FRA10AC1: variants seen among roughly 807,000 people sequenced by gnomAD.
FRA10AC1 encodes protein FRA10AC1.
A neutral mutation model predicts 56.5 loss-of-function variants in FRA10AC1; 43 were observed. The observed-to-expected ratio is 0.76, with a 90% CI of 0.60 to 0.98. FRA10AC1 has a LOEUF of 0.98. FRA10AC1 is among the 50% of genes least tolerant of loss of function. The probability of loss-of-function intolerance (pLI) is 0.00; values close to 1 mark genes in which losing one functional copy is unlikely to be tolerated. For synonymous variants in FRA10AC1, 112 were observed against 110.5 expected (o/e 1.01, Z -0.09); for missense variants, 346 against 351.8 (o/e 0.98, Z 0.13).
chr10:93,670,366 C>T (rs575928251), intron 13 of FRA10AC1, among the ~76,000 whole-genome samples: 33 of 152,174 alleles, frequency 2.2e-4, no homozygotes, highest in African/African-American at 7.9e-4. Flanking sequence ...GTATTTGTAA[C>T]AGTAAATATT....
chr10:93,696,876 T>C (rs1037844612), intron 4 of FRA10AC1, among the ~76,000 whole-genome samples: 40 of 152,220 alleles, frequency 2.6e-4, no homozygotes, highest in African/African-American at 9.1e-4. Context: ...ACACCACATG[T>C]TGTCACCCAT....
chr10:93,674,100 T>C (rs2058807287), intron 12 of FRA10AC1: 1 of 152,564 alleles, frequency 6.6e-6, no homozygotes, highest in African/African-American at 2.4e-5. Flanking sequence ...ACTTGAAATT[T>C]GTTAAGAGGG....
chr10:93,692,122 C>T (rs1400033241), intron 6 of FRA10AC1, 29 bp from the exon 7 acceptor site: 1 of 1,409,336 alleles, frequency 7.1e-7, no homozygotes, highest in South Asian at 1.7e-5. Flanking sequence ...AAATATTATA[C>T]ATTTAGAAAC....
Position 93,681,575 on chromosome 10 carries a change from T to C in FRA10AC1, c.692A>G (p.Lys231Arg). The C allele has an allele frequency of 6.5e-7, 1 of 1,545,062 alleles. No individual in the cohort carries two copies. The highest frequency in any genetic ancestry group is 8.7e-7 in the Non-Finnish European group (1 of 1,147,022). Reference sequence around the variant, plus strand: ...GTCTTTTTTGGTTTTATCTTTTCTTTTTTTTGACTTGATTTCTTTTCTCCT... The same window carrying C: ...GTCTTTTTTGGTTTTATCTTTTCTTCTTTTTGACTTGATTTCTTTTCTCCT... ...HHRRKEIKSK[K>R]RKDKTKKDCE... Residue 231 changes from lysine (K) to arginine (R), a missense_variant, in exon 11 of 14, where the codon AAA becomes AGA. Lys to Arg is a conservative substitution (Grantham distance 26, BLOSUM62 2). Coordinates refer to ENST00000359204, the MANE Select transcript of FRA10AC1 (RefSeq NM_145246.5).
In FRA10AC1 at chr10:93,693,679, T is replaced by TATATACCATATATATATACACC. The variant is rs1483141984; in HGVS notation, c.297-951_297-950insGGTGTATATATATATGGTATAT. ...ATACCATATATATATACACCATATA[T>TATATACCATATATATATACACC]ATATATATATACCATATATATATAC... On this transcript the variant is annotated intron_variant, in intron 5 of 13. Transcript: ENST00000359204. Among the ~76,000 whole-genome samples, 4 of 86,002 alleles carry TATATACCATATATATATACACC rather than the reference T, an allele frequency of 4.7e-5. 2 individuals carry two copies. The highest frequency in any genetic ancestry group is 1.3e-4 in the Non-Finnish European group (4 of 31,706). The allele number at this position is 86,002 out of a possible 152,430, so 56.4% of individuals were successfully genotyped here. A position where few individuals can be genotyped will look rare whatever the true frequency, so the allele number is the denominator to read the frequency against.
At chr10:93,699,963 T>C (rs1426149803) in intron 2 of FRA10AC1, 67 bp downstream of exon 2, 18 of 871,812 alleles carry the variant, frequency 2.1e-5, no homozygotes, top group Middle Eastern at 4.4e-4. Flanking sequence ...TTCACTCTTG[T>C]TTATTTATAC....
chr10:93,671,708 A>G (rs1204975100), intron 12 of FRA10AC1: 1 of 194,014 alleles, frequency 5.2e-6, no homozygotes, highest in African/African-American at 2.4e-5. Flanking sequence ...AAAGTTACAA[A>G]AAGTATGCAT....
rs112265286 is a variant in FRA10AC1 at position 93,687,376 on chromosome 10, T to C, written c.511+28A>G. On this transcript the variant is annotated intron_variant, in intron 8 of 13. Transcript: ENST00000359204. ...AACTTAACAAAATAAGTTTATCCTATTAAAAAGTAAAAATTTTAAAGAATT... is the reference window on the plus strand; with the variant it reads ...AACTTAACAAAATAAGTTTATCCTACTAAAAAGTAAAAATTTTAAAGAATT... The C allele has an allele frequency of 1.2e-3, 1,761 of 1,445,078 alleles. 23 individuals carry two copies. The African/African-American group carries it at 0.023, about 19-fold the overall frequency. The allele number at this position is 1,445,078 out of a possible 1,614,324, so 89.5% of individuals were successfully genotyped here.
At chr10:93,678,286 T>A (rs2058877047) in intron 11 of FRA10AC1, among the ~76,000 whole-genome samples, 1 of 152,190 alleles carries the variant, frequency 6.6e-6, no homozygotes, top group Non-Finnish European at 1.5e-5. Context: ...CTTGTTCTCC[T>A]CATACCTGCC....
intron 9 of FRA10AC1, among the ~76,000 whole-genome samples, chr10:93,684,996 C>T (rs919662528): frequency 2.0e-5 from 3 of 152,010 alleles, no homozygotes; most frequent in South Asian, 2.1e-4. Flanking sequence ...TTAATGGGGA[C>T]GGAGCCCCAC....
intron 1 of FRA10AC1, among the ~76,000 whole-genome samples, chr10:93,701,655 A>G (rs1263564177): frequency 1.3e-5 from 2 of 151,976 alleles, no homozygotes; most frequent in Non-Finnish European, 2.9e-5. Flanking sequence ...CCTCCCTTAC[A>G]TCTGTTATTG....
At chr10:93,684,205 G>T in intron 9 of FRA10AC1, 107 bp from the exon 10 acceptor site, 1 of 769,250 alleles carries the variant, frequency 1.3e-6, no homozygotes, top group Non-Finnish European at 2.2e-6. Flanking sequence ...TACTATAAGA[G>T]GGTAAACAAA....
At chr10:93,685,602 G>T (rs747899347) in intron 8 of FRA10AC1, 7 of 277,234 alleles carry the variant, frequency 2.5e-5, no homozygotes, top group African/African-American at 1.5e-4. Flanking sequence ...ACATTTTAGC[G>T]ACTCCCTATT....
intron 7 of FRA10AC1, 23 bp downstream of exon 7, chr10:93,691,986 C>T: frequency 6.4e-7 from 1 of 1,560,054 alleles, no homozygotes; most frequent in Non-Finnish European, 8.7e-7. Flanking sequence ...GAACCTCTTT[C>T]CATAAATATG....
Position 93,676,705 on chromosome 10 carries a change from A to T in FRA10AC1, c.788-14T>A, listed in dbSNP as rs1228588134. 3.8e-6 allele frequency: 6 copies of T among 1,565,140 alleles called. No individual in the cohort carries two copies. In the South Asian group the frequency reaches 7.2e-5, roughly 19 times the overall value. On this transcript the variant is annotated splice_polypyrimidine_tract_variant and intron_variant, in intron 11 of 13. Coordinates refer to ENST00000359204, the MANE Select transcript of FRA10AC1 (RefSeq NM_145246.5). Reference sequence around the variant, plus strand: ...AAGATGAATGTCCTGAAAAGGAAACATCATTGATTTATTAACTATCATCTT... The same window carrying T: ...AAGATGAATGTCCTGAAAAGGAAACTTCATTGATTTATTAACTATCATCTT...
At chr10:93,674,285 C>G (rs2058809446) in intron 12 of FRA10AC1, 3 of 152,040 alleles carry the variant, frequency 2.0e-5, no homozygotes, top group Non-Finnish European at 2.9e-5. Flanking sequence ...GTTACTGTCC[C>G]AACAGAAATT....
chr10:93,683,540 AG>A (rs1162624757), intron 10 of FRA10AC1, among the ~76,000 whole-genome samples: 1 of 152,080 alleles, frequency 6.6e-6, no homozygotes, highest in African/African-American at 2.4e-5. Flanking sequence ...CAGTAGAGAC[AG>A]GGTTTTACCA....
intron 10 of FRA10AC1, among the ~76,000 whole-genome samples, chr10:93,682,861 A>C (rs890366363): frequency 4.6e-5 from 7 of 152,202 alleles, no homozygotes; most frequent in African/African-American, 9.6e-5. Flanking sequence ...TTAAGAATTA[A>C]AAATATTATT....
intron 8 of FRA10AC1, among the ~76,000 whole-genome samples, chr10:93,686,255 T>C (rs2059025598): frequency 6.6e-6 from 1 of 151,906 alleles, no homozygotes; most frequent in African/African-American, 2.4e-5. Flanking sequence ...TCCAAATGAA[T>C]ATTTTATTAA....
Sources: allele counts gnomAD v4.1 joint callset (sites outside exome capture counted in the v4.1 genomes callset), GRCh38; gene constraint gnomAD v4.1.1; transcripts MANE v1.5; gene names NCBI Gene and HGNC (gene_info 2026-07-23, HGNC 2026-07-21).